CAD: variants seen among roughly 807,000 people sequenced by gnomAD.
CAD encodes the protein carbamoyl-phosphate synthetase 2, aspartate transcarbamylase, and dihydroorotase.
CAD carries 81 observed loss-of-function variants against 237.2 expected under a neutral mutation model. That is an observed-to-expected ratio of 0.34 (90% CI 0.29 to 0.41). The LOEUF (loss-of-function observed/expected upper bound fraction) is 0.41, where lower values mean the gene tolerates loss of function less well. Among genes scored for constraint, CAD ranks in the 10% least tolerant of loss-of-function variants. The probability of loss-of-function intolerance (pLI) is 1.00; values close to 1 mark genes in which losing one functional copy is unlikely to be tolerated. For synonymous variants in CAD, 1,196 were observed against 1,162.8 expected, an observed-to-expected ratio of 1.03 and a Z score of -0.58; for missense variants, 2,181 against 2,951.7, an observed-to-expected ratio of 0.74 and a Z score of 6.05.
intron 13 of CAD, 23 bp from the exon 14 acceptor site, chr2:27,226,502 G>T: frequency 6.2e-7 from 1 of 1,613,464 alleles, no homozygotes; most frequent in South Asian, 1.1e-5. Context: ...CTAGGCCAGT[G>T]ACTTTATTCT....
At chr2:27,222,463 C>T (rs1360660881) in intron 4 of CAD, 56 bp from the exon 5 acceptor site, 24 of 1,600,192 alleles carry the variant, frequency 1.5e-5, no homozygotes, top group Non-Finnish European at 1.8e-5. Context: ...GCAGGCATAT[C>T]TTATACCCAC....
intron 15 of CAD, among the ~76,000 whole-genome samples, chr2:27,227,332 G>A (rs1341367787): frequency 3.3e-5 from 5 of 152,160 alleles, no homozygotes; most frequent in South Asian, 2.1e-4. Context: ...TGGCCGTAAC[G>A]TTACCCAGCA....
intron 23 of CAD, 87 bp downstream of exon 23, chr2:27,234,772 G>A (rs1572442823): frequency 3.1e-6 from 4 of 1,284,128 alleles, no homozygotes. Context: ...ATGTAAACCA[G>A]GCACTGACTG....
rs1430507475 is a variant in CAD at position 27,236,752 on chromosome 2, C to T, written c.4318C>T (p.Leu1440=). The change falls in exon 27 of 44, where the codon CTA becomes TTA. Residue 1440 remains leucine, a synonymous_variant. Transcript: ENST00000264705. The surrounding 1 kb of genome is among the most constrained non-coding windows in gnomAD (Gnocchi z 4.1). ...GCTGACTGCTTTCCACTTGCAGGCC[C>T]TAGGCCAGATCGGGCCAGCCCCTCC... The part of the protein sequence containing the change: ...IKCTKLFVEA[L]GQIGPAPPLK... The T allele has an allele frequency of 1.2e-6, 2 of 1,614,102 alleles. No individual in the cohort carries two copies. Among genetic ancestry groups the T allele is most frequent in the East Asian group, 2.2e-5 (1 of 44,868 alleles).
Position 27,241,285 on chromosome 2 carries a change from G to C in CAD, c.5809-37G>C. 1.2e-6 allele frequency: 2 copies of C among 1,614,088 alleles called. No homozygotes were observed. Among genetic ancestry groups the C allele is most frequent in the South Asian group, 2.2e-5 (2 of 91,070 alleles). On this transcript the variant is annotated intron_variant, in intron 37 of 43. Transcript: ENST00000264705. The surrounding 1 kb of genome is among the most constrained non-coding windows in gnomAD (Gnocchi z 4.6). ...AGCTTTGAGGATTTGGAAAGCTGGG[G>C]CTAGGACCTTTCTAGCTAACTTGGG...
In CAD at chr2:27,242,228, G is replaced by C; in HGVS notation, c.6097-74G>C. 1 of 1,578,764 alleles carries C rather than the reference G, an allele frequency of 6.3e-7. No individual in the cohort carries two copies. The highest frequency in any genetic ancestry group is 1.7e-5 in the Admixed American group (1 of 57,612). ...GTGTTTTGGGCCAGATGAGTGAGGG[G>C]ACCCCAGAAGAGGGGGACTGGCAGT... is the stretch of plus-strand genomic sequence containing the variant. On this transcript the variant is annotated intron_variant, in intron 39 of 43. Coordinates refer to ENST00000264705, the MANE Select transcript of CAD (RefSeq NM_004341.5). This position sits in a 1 kb window ranked among gnomAD's most constrained non-coding sequence, Gnocchi z 6.4.
Position 27,235,734 on chromosome 2 carries a change from A to T in CAD, c.4074+94A>T. On this transcript the variant is annotated intron_variant, in intron 25 of 43. Coordinates refer to ENST00000264705, the MANE Select transcript of CAD (RefSeq NM_004341.5). The surrounding 1 kb of genome is among the most constrained non-coding windows in gnomAD (Gnocchi z 5.2). ...AATTATCTGGGCTGGGCACGGTGGCATATACCTGTAGTCCCAGATACTCAG... is the reference window on the plus strand; with the variant it reads ...AATTATCTGGGCTGGGCACGGTGGCTTATACCTGTAGTCCCAGATACTCAG... 1 of 1,021,520 alleles carries T rather than the reference A, an allele frequency of 9.8e-7. No homozygotes were observed. The highest frequency in any genetic ancestry group is 1.5e-6 in the Non-Finnish European group (1 of 673,350). The allele number at this position is 1,021,520 out of a possible 1,614,324, so 63.3% of individuals were successfully genotyped here.
chr2:27,224,356 C>T lies in CAD; in HGVS notation c.1120C>T (p.Leu374=), dbSNP rs1675327795. The T allele has an allele frequency of 3.1e-6, 5 of 1,614,106 alleles. No homozygotes were observed. Among genetic ancestry groups the T allele is most frequent in the Non-Finnish European group, 4.2e-6 (5 of 1,180,040 alleles). ...NPGGQTVRER[L]TERLCPPGIP... is the part of the protein sequence containing the mutation. ...CTTTGCTTCCACAGTTAGAGAGCGG[C>T]TGACTGAGCGCCTCTGTCCCCCTGG... Residue 374 remains leucine, a synonymous_variant, in exon 9 of 44, where the codon CTG becomes TTG. Coordinates refer to ENST00000264705, the MANE Select transcript of CAD (RefSeq NM_004341.5).
At position 27,219,194 on chromosome 2, in the gene CAD, T is replaced by C. The variant is rs960993417; in HGVS notation, c.222+1178T>C. Reference sequence around the variant, plus strand: ...CAGGGAGGGTTCTGCCAAACTATCCTTCAGATCCCTGGACAGTCTCAGAAT... The same window carrying C: ...CAGGGAGGGTTCTGCCAAACTATCCCTCAGATCCCTGGACAGTCTCAGAAT... On this transcript the variant is annotated intron_variant, in intron 2 of 43. Coordinates refer to ENST00000264705, the MANE Select transcript of CAD (RefSeq NM_004341.5). Among the ~76,000 whole-genome samples the C allele has an allele frequency of 1.3e-4, 20 of 152,346 alleles. No individual in the cohort carries two copies. The East Asian group carries it at 2.7e-3, about 21-fold the overall frequency.
rs751830940 is a variant in CAD, at chr2:27,237,558, A to AC, written c.4563+14dup. The AC allele has an allele frequency of 8.1e-6, 13 of 1,609,880 alleles. No individual in the cohort carries two copies. The highest frequency in any genetic ancestry group is 1.1e-5 in the Non-Finnish European group (13 of 1,177,940). ...CCTGGCCCAGAAGGTGAGCCACTGC[A>AC]CTCTTCCTGGTATTGGAGACCCATA... is the stretch of plus-strand genomic sequence containing the variant. On this transcript the variant is annotated intron_variant, in intron 28 of 43. Coordinates refer to ENST00000264705, the MANE Select transcript of CAD (RefSeq NM_004341.5). The surrounding 1 kb of genome is among the most constrained non-coding windows in gnomAD (Gnocchi z 4.0).
intron 2 of CAD, 125 bp from the exon 3 acceptor site, chr2:27,221,092 CA>C: frequency 2.9e-6 from 2 of 681,580 alleles, no homozygotes; most frequent in Non-Finnish European, 4.4e-6. Context: ...GCAAAAGCAC[CA>C]AAAGTTTGGT....
In CAD at chr2:27,233,101, CAT is replaced by C; in HGVS notation, c.2953_2954del (p.Met985ValfsTer2). The C allele has an allele frequency of 1.2e-6, 2 of 1,612,782 alleles. No individual in the cohort carries two copies. The highest frequency in any genetic ancestry group is 1.1e-5 in the South Asian group (1 of 91,054). On this transcript the variant is annotated frameshift_variant, in exon 19 of 44. Transcript: ENST00000264705. LOFTEE classifies it high-confidence loss of function. The surrounding 1 kb of genome is among the most constrained non-coding windows in gnomAD (Gnocchi z 6.3). ...CAGAGACAGTCAGCACCGACTATGA[CAT>C]GTGTGATCGACTCTACTTTGATGAG... ...NPETVSTDYD[M>X]CDRLYFDEIS...
chr2:27,220,888 G>A lies in CAD; in HGVS notation c.223-330G>A, dbSNP rs371347148. The stretch of plus-strand genomic sequence containing the variant: ...CAAGAGAATTGCTTGAATCCGGGAG[G>A]CAGAGGTTGCAGTGAGCTTAGATGT... On this transcript the variant is annotated intron_variant, in intron 2 of 43. Coordinates refer to ENST00000264705, the MANE Select transcript of CAD (RefSeq NM_004341.5). Among the ~76,000 whole-genome samples, 45 of 152,234 alleles carry A rather than the reference G, an allele frequency of 3.0e-4. No homozygotes were observed. The South Asian group carries it at 3.3e-3, about 11-fold the overall frequency.
Position 27,243,736 on chromosome 2 carries a change from C to T in CAD, c.*218C>T, listed in dbSNP as rs796654126. On this transcript the variant is annotated 3_prime_UTR_variant, in exon 44 of 44. Coordinates refer to ENST00000264705, the MANE Select transcript of CAD (RefSeq NM_004341.5). ...CCATCTTCATTCCTGCACCTTAAACCTGTACAGTCATTTTTCTACTGACTT... is the reference window on the plus strand; with the variant it reads ...CCATCTTCATTCCTGCACCTTAAACTTGTACAGTCATTTTTCTACTGACTT... 11 of 571,188 alleles carry T rather than the reference C, an allele frequency of 1.9e-5. No individual in the cohort carries two copies. In the East Asian group the frequency reaches 2.3e-4, roughly 12 times the overall value. The allele number at this position is 571,188 out of a possible 1,614,324, so 35.4% of individuals were successfully genotyped here.
Position 27,233,615 on chromosome 2 carries a change from G to C in CAD, c.3217-11G>C, listed in dbSNP as rs768547456. The C allele has an allele frequency of 1.2e-6, 2 of 1,614,042 alleles. No homozygotes were observed. Among genetic ancestry groups the C allele is most frequent in the Admixed American group, 3.3e-5 (2 of 60,030 alleles). ...TGTGAACAACTCAGCTAAGCTCCCT[G>C]CCTCCTGTAGTCTGCTCGCCAATTC... On this transcript the variant is annotated splice_polypyrimidine_tract_variant and intron_variant, in intron 20 of 43. Coordinates refer to ENST00000264705, the MANE Select transcript of CAD (RefSeq NM_004341.5). The surrounding 1 kb of genome is among the most constrained non-coding windows in gnomAD (Gnocchi z 6.3).
Position 27,217,549 on chromosome 2 carries a change from C to T in CAD, c.-3C>T, listed in dbSNP as rs766320759. The T allele has an allele frequency of 1.7e-5, 28 of 1,603,528 alleles. No individual in the cohort carries two copies. Among genetic ancestry groups the T allele is most frequent in the Non-Finnish European group, 2.4e-5 (28 of 1,175,424 alleles). On this transcript the variant is annotated 5_prime_UTR_variant, in exon 1 of 44. Coordinates refer to ENST00000264705, the MANE Select transcript of CAD (RefSeq NM_004341.5). The stretch of plus-strand genomic sequence containing the variant: ...CTCGCCCCCGCCTCTGAGCTCCCTT[C>T]CCATGGCGGCCCTAGTGTTGGAGGA...
intron 30 of CAD, 85 bp downstream of exon 30, chr2:27,238,272 G>A: frequency 6.5e-7 from 1 of 1,531,238 alleles, no homozygotes. Flanking sequence ...GCAGGAGACA[G>A]CAGGAGGAGA....
intron 8 of CAD, 43 bp from the exon 9 acceptor site, chr2:27,224,302 C>T (rs184093486): frequency 1.9e-6 from 3 of 1,609,352 alleles, no homozygotes; most frequent in Non-Finnish European, 2.6e-6. Flanking sequence ...CCTCTTGGGT[C>T]CAGCTCAGCT....
chr2:27,226,086 C>G, intron 12 of CAD, 45 bp from the exon 13 acceptor site: 1 of 1,587,970 alleles, frequency 6.3e-7, no homozygotes, highest in South Asian at 1.1e-5. Context: ...TTCTGCCTCT[C>G]CTGACTCTGC....
Sources: gnomAD v4.1 joint callset for allele counts (sites outside exome capture counted in the v4.1 genomes callset) on GRCh38, gnomAD v4.1.1 for gene constraint, Gnocchi (gnomAD v3.1) non-coding constraint, MANE v1.5 for transcripts, NCBI Gene and HGNC (gene_info 2026-07-23, HGNC 2026-07-21) for gene names.